The following MEMO1 variants were observed in gnomAD, a reference collection of about 807,000 sequenced individuals.
MEMO1 encodes protein MEMO1.
In MEMO1, 6 loss-of-function variants were observed where a neutral mutation model predicts 45.2. That is an observed-to-expected ratio of 0.13 (90% confidence interval 0.07 to 0.26). MEMO1 has a LOEUF of 0.26. Among genes scored for constraint, MEMO1 ranks in the 10% least tolerant of loss-of-function variants. The pLI, the probability that MEMO1 is intolerant of heterozygous loss-of-function variation, is 1.00. For synonymous variants in MEMO1, 78 were observed against 124.3 expected, an observed-to-expected ratio of 0.63 and a Z score of 2.48; for missense variants, 184 against 370.5, an observed-to-expected ratio of 0.50 and a Z score of 4.13.
chr2:31,897,708 G>A (rs1678078485), intron 6 of MEMO1, among the ~76,000 whole-genome samples: 1 of 152,120 alleles, frequency 6.6e-6, no homozygotes, highest in African/African-American at 2.4e-5. Flanking sequence ...CCAGGTTTTA[G>A]TATCAGGATG....
chr2:31,902,055 T>C (rs1204006891), intron 6 of MEMO1, among the ~76,000 whole-genome samples: 1 of 152,068 alleles, frequency 6.6e-6, no homozygotes, highest in Non-Finnish European at 1.5e-5. Context: ...GGGAGGATAC[T>C]TTGAGCCCAG....
intron 2 of MEMO1, chr2:31,963,092 C>A: frequency 2.1e-6 from 3 of 1,400,670 alleles, no homozygotes; most frequent in South Asian, 3.4e-5. Context: ...AGTCTTGAGT[C>A]AACCAACCCA....
intron 2 of MEMO1, among the ~76,000 whole-genome samples, chr2:31,955,394 T>C (rs1354584318): frequency 1.3e-5 from 2 of 152,264 alleles, no homozygotes; most frequent in African/African-American, 2.4e-5. Context: ...CCAAGCTACT[T>C]TGAAGCCTTA....
chr2:31,908,542 T>C (rs531580630), intron 6 of MEMO1, among the ~76,000 whole-genome samples: 32 of 152,210 alleles, frequency 2.1e-4, no homozygotes, highest in African/African-American at 7.7e-4. Flanking sequence ...ACTGGAAGTA[T>C]GGACAGAATC....
intron 4 of MEMO1, chr2:31,923,578 T>C: frequency 1.4e-6 from 2 of 1,479,008 alleles, no homozygotes; most frequent in Non-Finnish European, 9.0e-7. Flanking sequence ...ACGTGGGCTA[T>C]AGAGAATGGT....
chr2:31,988,554 T>TA (rs1671559385), intron 2 of MEMO1, among the ~76,000 whole-genome samples: 1 of 151,788 alleles, frequency 6.6e-6, no homozygotes, highest in Non-Finnish European at 1.5e-5. Flanking sequence ...TCGAAAAAAA[T>TA]AAAAAAAATT....
At chr2:32,009,161 G>C (rs1371448200) in intron 2 of MEMO1, among the ~76,000 whole-genome samples, 1 of 152,204 alleles carries the variant, frequency 6.6e-6, no homozygotes. Flanking sequence ...ACATAAAGAA[G>C]TCTAAAATGC....
chr2:31,911,898 C>T (rs1572654201), intron 6 of MEMO1, among the ~76,000 whole-genome samples: 1 of 152,194 alleles, frequency 6.6e-6, no homozygotes, highest in South Asian at 2.1e-4. Flanking sequence ...GCCTTAGCCT[C>T]CCAAAGTGCT....
chr2:31,964,657 C>T (rs1239327316), intron 2 of MEMO1, among the ~76,000 whole-genome samples: 3 of 151,918 alleles, frequency 2.0e-5, no homozygotes, highest in African/African-American at 2.4e-5. Context: ...GCCGAGATTC[C>T]GCCATTGCAC....
intron 9 of MEMO1, among the ~76,000 whole-genome samples, chr2:31,868,837 G>A (rs975058913): frequency 6.6e-6 from 1 of 151,924 alleles, no homozygotes; most frequent in Non-Finnish European, 1.5e-5. Context: ...GTCTTAAGAC[G>A]TCGGAGTCTT....
chr2:31,949,439 T>C (rs911112332), intron 2 of MEMO1, among the ~76,000 whole-genome samples: 4 of 152,168 alleles, frequency 2.6e-5, no homozygotes, highest in Non-Finnish European at 5.9e-5. Context: ...GATCCAGTCA[T>C]CTGCAATAAC....
intron 2 of MEMO1, among the ~76,000 whole-genome samples, chr2:31,955,193 C>CAA (rs1000212577): frequency 7.3e-6 from 1 of 136,686 alleles, no homozygotes. Context: ...GACCCTGTCT[C>CAA]AAAAAAAAAA....
intron 2 of MEMO1, among the ~76,000 whole-genome samples, chr2:31,969,986 G>A (rs1034714860): frequency 4.6e-5 from 7 of 151,432 alleles, no homozygotes; most frequent in Non-Finnish European, 1.0e-4. Flanking sequence ...CTTGGCAGGG[G>A]ACGGGGACAG....
intron 2 of MEMO1, among the ~76,000 whole-genome samples, chr2:32,002,144 CAAAAAAAAAA>C (rs1156408005): frequency 1.8e-5 from 1 of 55,696 alleles, no homozygotes; most frequent in Non-Finnish European, 3.2e-5. Flanking sequence ...GACTCTGTCT[CAAAAAAAAAA>C]AAAAAAAAAA....
intron 2 of MEMO1, among the ~76,000 whole-genome samples, chr2:32,003,921 C>T (rs1484745757): frequency 3.3e-5 from 5 of 152,054 alleles, no homozygotes; most frequent in Non-Finnish European, 7.4e-5. Context: ...AGGATGATGG[C>T]GCACATCTGT....
intron 2 of MEMO1, among the ~76,000 whole-genome samples, chr2:31,997,960 AC>A (rs1252166732): frequency 6.6e-6 from 1 of 152,220 alleles, no homozygotes; most frequent in Non-Finnish European, 1.5e-5. Flanking sequence ...TATGTGTTTC[AC>A]AGAAAAATGC....
intron 2 of MEMO1, among the ~76,000 whole-genome samples, chr2:32,007,099 C>T (rs1461236485): frequency 1.3e-5 from 2 of 152,116 alleles, no homozygotes; most frequent in Non-Finnish European, 2.9e-5. Flanking sequence ...TGAGTAAGTC[C>T]AGTCCCAATG....
intron 6 of MEMO1, among the ~76,000 whole-genome samples, chr2:31,895,509 G>T (rs1372054430): frequency 6.6e-6 from 1 of 152,168 alleles, no homozygotes; most frequent in Non-Finnish European, 1.5e-5. Flanking sequence ...TCACCAGATG[G>T]TCTGAAGAGC....
At chr2:31,987,217 G>A (rs1671371908) in intron 2 of MEMO1, among the ~76,000 whole-genome samples, 2 of 151,802 alleles carry the variant, frequency 1.3e-5, no homozygotes, top group South Asian at 4.2e-4. Context: ...TGTCCTGGCT[G>A]GTCTCAAAGG....
Sources: allele counts gnomAD v4.1 joint callset (sites outside exome capture counted in the v4.1 genomes callset), GRCh38; gene constraint gnomAD v4.1.1; transcripts MANE v1.5; gene names NCBI Gene and HGNC (gene_info 2026-07-23, HGNC 2026-07-21).